MTA3: variants seen among roughly 807,000 people sequenced by gnomAD.
MTA3 encodes the protein metastasis associated 1 family member 3.
A neutral mutation model predicts 83.5 loss-of-function variants in MTA3; 34 were observed. That is an observed-to-expected ratio of 0.41 (90% CI 0.31 to 0.54). The LOEUF is 0.54. Ranked by LOEUF, MTA3 falls within the 20% of genes least tolerant of loss-of-function variation. The pLI is 0.33. For missense variants in MTA3, 761 were observed against 726.4 expected (o/e 1.05, Z -0.55); for synonymous variants, 303 against 252.7 (o/e 1.20, Z -1.89).
At chr2:42,616,190 G>A (rs1288855585) in intron 4 of MTA3, among the ~76,000 whole-genome samples, 1 of 152,108 alleles carries the variant, frequency 6.6e-6, no homozygotes, top group Non-Finnish European at 1.5e-5. Context: ...CTCCCGAATA[G>A]CTGGGATTTA....
intron 2 of MTA3, among the ~76,000 whole-genome samples, chr2:42,576,913 CCAAAA>C (rs1316546008): frequency 6.7e-6 from 1 of 149,918 alleles, no homozygotes; most frequent in African/African-American, 2.5e-5. Context: ...AACAAAAAAA[CCAAAA>C]CAAAACCACC....
At chr2:42,677,210 C>T (rs1185443368) in intron 8 of MTA3, among the ~76,000 whole-genome samples, 4 of 152,184 alleles carry the variant, frequency 2.6e-5, no homozygotes, top group Non-Finnish European at 5.9e-5. Flanking sequence ...ACCCAAATCT[C>T]ATCCTGTAAC....
intron 16 of MTA3, chr2:42,723,242 C>T (rs754223208): frequency 1.7e-5 from 10 of 587,914 alleles, no homozygotes; most frequent in Non-Finnish European, 2.6e-5. Flanking sequence ...CTTATTTGCT[C>T]CCATCTCCTG....
intron 3 of MTA3, among the ~76,000 whole-genome samples, chr2:42,599,599 A>AT (rs1412248597): frequency 6.6e-6 from 1 of 151,876 alleles, no homozygotes; most frequent in Non-Finnish European, 1.5e-5. Flanking sequence ...CCAAAAAAAA[A>AT]GAAAAGAGTA....
chr2:42,567,104 C>G (rs542728554), upstream of MTA3, among the ~76,000 whole-genome samples: 1 of 152,312 alleles, frequency 6.6e-6, no homozygotes, highest in Non-Finnish European at 1.5e-5. Context: ...ATTTGACACA[C>G]AGCAGAGAAC....
At chr2:42,643,660 G>T (rs1558535984) in intron 5 of MTA3, among the ~76,000 whole-genome samples, 1 of 152,316 alleles carries the variant, frequency 6.6e-6, no homozygotes, top group Admixed American at 6.5e-5. Flanking sequence ...GCAGTTTAAT[G>T]TGAGATATGT....
chr2:42,499,451 C>T (rs1253083828), intron 2 of MTA3, among the ~76,000 whole-genome samples: 1 of 150,326 alleles, frequency 6.7e-6, no homozygotes, highest in Non-Finnish European at 1.5e-5. Context: ...CAGGCGTGAG[C>T]CACCACGCCC....
At chr2:42,638,883 T>C (rs13391499) in intron 4 of MTA3, among the ~76,000 whole-genome samples, 55 of 87,472 alleles carry the variant, frequency 6.3e-4, no homozygotes, top group African/African-American at 2.8e-3. Context: ...GACATTTTTA[T>C]AAGGGGTTTT....
At chr2:42,753,227 C>G in intron 16 of MTA3, 147 bp from the exon 17 acceptor site, 1 of 1,423,454 alleles carries the variant, frequency 7.0e-7, no homozygotes, top group Non-Finnish European at 9.5e-7. Flanking sequence ...CCACACCTGG[C>G]CTAGTCATGA....
chr2:42,520,643 T>C (rs1158750084), intron 2 of MTA3, among the ~76,000 whole-genome samples: 1 of 151,940 alleles, frequency 6.6e-6, no homozygotes, highest in East Asian at 1.9e-4. Flanking sequence ...TCCAGTGGCC[T>C]GATCATGAAC....
chr2:42,606,455 G>C (rs1436343719), intron 3 of MTA3, among the ~76,000 whole-genome samples: 1 of 150,286 alleles, frequency 6.7e-6, no homozygotes, highest in Non-Finnish European at 1.5e-5. Context: ...CCACATCTCA[G>C]ACGATCTCCT....
intron 3 of MTA3, among the ~76,000 whole-genome samples, chr2:42,585,428 A>C (rs1056252694): frequency 6.6e-6 from 1 of 151,202 alleles, no homozygotes; most frequent in African/African-American, 2.4e-5. Context: ...TTGTAAGTTG[A>C]GTTCAGTAAC....
chr2:42,697,180 TCTC>T (rs1447540685), intron 10 of MTA3, among the ~76,000 whole-genome samples: 1 of 152,224 alleles, frequency 6.6e-6, no homozygotes, highest in Non-Finnish European at 1.5e-5. Context: ...GATTATATAA[TCTC>T]CTTCCCCTTC....
upstream of MTA3, among the ~76,000 whole-genome samples, chr2:42,494,414 T>C (rs943081992): frequency 2.6e-5 from 4 of 152,210 alleles, no homozygotes; most frequent in African/African-American, 9.6e-5. Flanking sequence ...CCAGAAACTG[T>C]CCGGAGCCCA....
chr2:42,650,318 C>G lies in MTA3; in HGVS notation c.500-5882C>G, dbSNP rs148052953. Reference sequence around the variant, plus strand: ...TGAAAAATTTATAGGAACATAGTAACTTTTCAATAAATGTTAGCTAATATT... The same window carrying G: ...TGAAAAATTTATAGGAACATAGTAAGTTTTCAATAAATGTTAGCTAATATT... On this transcript the variant is annotated intron_variant, in intron 6 of 16. Transcript: ENST00000405094. Among the ~76,000 whole-genome samples, 1,297 of 152,232 alleles carry G rather than the reference C, an allele frequency of 8.5e-3. 17 individuals are homozygous for G. Among genetic ancestry groups the G allele is most frequent in the African/African-American group, 0.029 (1,200 of 41,534 alleles).
chr2:42,727,958 G>A (rs1667944501), intron 16 of MTA3, among the ~76,000 whole-genome samples: 1 of 152,114 alleles, frequency 6.6e-6, no homozygotes, highest in Non-Finnish European at 1.5e-5. Flanking sequence ...GTCACAGACA[G>A]TGCAATTTTA....
Position 42,753,571 on chromosome 2 carries a change from C to G in MTA3, c.*172C>G. On this transcript the variant is annotated 3_prime_UTR_variant, in exon 17 of 17. Transcript: ENST00000405094. ...GAAGGAACTGTGGGAGTGCACGTTCCAAATCCTGTGTCTCCACGTGTGGAT... is the reference window on the plus strand; with the variant it reads ...GAAGGAACTGTGGGAGTGCACGTTCGAAATCCTGTGTCTCCACGTGTGGAT... The G allele has an allele frequency of 7.0e-7, 1 of 1,436,490 alleles. No homozygotes were observed. Among genetic ancestry groups the G allele is most frequent in the East Asian group, 2.6e-5 (1 of 38,230 alleles). 89.0% of individuals were successfully genotyped at this position (1,436,490 alleles called of 1,614,324 possible).
At chr2:42,590,295 T>G (rs1293109191) in intron 3 of MTA3, among the ~76,000 whole-genome samples, 1 of 152,102 alleles carries the variant, frequency 6.6e-6, no homozygotes, top group African/African-American at 2.4e-5. Flanking sequence ...ATTAAATTAA[T>G]GCCCTCCCTG....
In MTA3 at chr2:42,660,513, C is replaced by T. The variant is rs751357897; in HGVS notation, c.702+651C>T. ...GTTTAATTTTACCACTAATGGCTGC[C>T]GTGGTCAGGCATAGGACCTGGCACT... On this transcript the variant is annotated intron_variant, in intron 8 of 16. Coordinates refer to ENST00000405094, the MANE Select transcript of MTA3 (RefSeq NM_001330442.2). Among the ~76,000 whole-genome samples the T allele has an allele frequency of 9.2e-5, 14 of 152,270 alleles. No individual in the cohort carries two copies. In the South Asian group the frequency reaches 1.0e-3, roughly 11 times the overall value.
Sources: allele counts gnomAD v4.1 joint callset (sites outside exome capture counted in the v4.1 genomes callset), GRCh38; gene constraint gnomAD v4.1.1; transcripts MANE v1.5; gene names NCBI Gene and HGNC (gene_info 2026-07-23, HGNC 2026-07-21).